Variants in HPGDS observed in about 807,000 individuals in gnomAD.
HPGDS encodes the protein hematopoietic prostaglandin D synthase.
HPGDS carries 26 observed loss-of-function variants against 23.1 expected under a neutral mutation model. The observed-to-expected ratio is 1.13, with a 90% CI of 0.83 to 1.56. The LOEUF (loss-of-function observed/expected upper bound fraction) is 1.56, where lower values mean the gene tolerates loss of function less well. HPGDS is among the 40% of genes most tolerant of loss of function. The pLI is 0.00. For synonymous variants in HPGDS, 95 were observed against 77.9 expected (o/e 1.22, Z -1.16); for missense variants, 268 against 236.4 (o/e 1.13, Z -0.88).
At chr4:94,328,822 G>C (rs538133569) in intron 2 of HPGDS, among the ~76,000 whole-genome samples, 1 of 152,254 alleles carries the variant, frequency 6.6e-6, no homozygotes, top group African/African-American at 2.4e-5. Context: ...TTTTAAAAGA[G>C]AGAAAATAAT....
chr4:94,330,408 G>A lies in HPGDS; in HGVS notation c.133+4089C>T, dbSNP rs115046479. ...ACCTTTATCTTCACTCAGCACATTT[G>A]TATTGAACTAACCACTCAGAAATAG... On this transcript the variant is annotated intron_variant, in intron 2 of 5. Transcript: ENST00000295256. Among the ~76,000 whole-genome samples, 1,292 of 152,270 alleles carry A rather than the reference G, an allele frequency of 8.5e-3. 8 individuals carry two copies. The highest frequency in any genetic ancestry group is 0.054 in the Middle Eastern group (16 of 294).
intron 3 of HPGDS, among the ~76,000 whole-genome samples, chr4:94,317,512 A>G (rs570843990): frequency 7.9e-5 from 12 of 152,302 alleles, no homozygotes; most frequent in Middle Eastern, 3.4e-3. Flanking sequence ...TTCAACCTCC[A>G]TATGCCATAT....
At chr4:94,307,307 TAA>T (rs762523386) in intron 4 of HPGDS, among the ~76,000 whole-genome samples, 146 of 110,580 alleles carry the variant, frequency 1.3e-3, no homozygotes, top group African/African-American at 4.0e-3. Flanking sequence ...CAGGAAAACA[TAA>T]AAAAAAAAAA....
At chr4:94,338,990 G>A (rs761172161) in intron 1 of HPGDS, among the ~76,000 whole-genome samples, 4 of 152,170 alleles carry the variant, frequency 2.6e-5, no homozygotes, top group Non-Finnish European at 5.9e-5. Flanking sequence ...CTTGTAATGC[G>A]GTATTTGCTC....
chr4:94,314,369 C>T (rs1756348478), intron 3 of HPGDS, among the ~76,000 whole-genome samples: 1 of 152,220 alleles, frequency 6.6e-6, no homozygotes, highest in Non-Finnish European at 1.5e-5. Flanking sequence ...TCAGGACCCT[C>T]AGCTGCAGGT....
At chr4:94,300,009 A>G (rs904306203) in intron 5 of HPGDS, among the ~76,000 whole-genome samples, 6 of 152,210 alleles carry the variant, frequency 3.9e-5, no homozygotes, top group African/African-American at 1.4e-4. Flanking sequence ...ATTGCCCTTT[A>G]CAGGACAAAG....
rs1214963229 is a variant in HPGDS, at chr4:94,299,444, C to CT, written c.*35_*36insA. The CT allele has an allele frequency of 1.7e-5, 26 of 1,566,744 alleles. No individual in the cohort carries two copies. Among genetic ancestry groups the CT allele is most frequent in the Non-Finnish European group, 2.2e-5 (25 of 1,152,778 alleles). On this transcript the variant is annotated 3_prime_UTR_variant, in exon 6 of 6. Transcript: ENST00000295256. The stretch of plus-strand genomic sequence containing the variant: ...TGTCTTATCTGATGAGAGAGATGCC[C>CT]CCGAGAAAAACAAACTTGAAGGCAA...
Position 94,338,364 on chromosome 4 carries a change from G to T in HPGDS, c.-9-3726C>A, listed in dbSNP as rs547847221. Among the ~76,000 whole-genome samples, 12 of 151,368 alleles carry T rather than the reference G, an allele frequency of 7.9e-5. No individual in the cohort carries two copies. In the South Asian group the frequency reaches 2.5e-3, roughly 31 times the overall value. On this transcript the variant is annotated intron_variant, in intron 1 of 5. Transcript: ENST00000295256. ...TGCTTGAACCTGGGAGGCAGAGGTT[G>T]CAGTGAGCCAAGACCGCGACACTTC...
chr4:94,319,062 CG>C (rs748893071), intron 2 of HPGDS, among the ~76,000 whole-genome samples: 34 of 152,212 alleles, frequency 2.2e-4, no homozygotes, highest in Non-Finnish European at 4.3e-4. Context: ...TGGTCTCTAG[CG>C]CAGATTCAGC....
intron 5 of HPGDS, among the ~76,000 whole-genome samples, chr4:94,301,698 C>A (rs1756043398): frequency 6.6e-6 from 1 of 151,848 alleles, no homozygotes; most frequent in African/African-American, 2.4e-5. Context: ...AAAAAAAATA[C>A]CAATAGTTTG....
At chr4:94,326,504 G>T (rs1263932175) in intron 2 of HPGDS, among the ~76,000 whole-genome samples, 1 of 152,044 alleles carries the variant, frequency 6.6e-6, no homozygotes, top group Admixed American at 6.6e-5. Flanking sequence ...TGAAGCTCTA[G>T]TTGTATTTTT....
At chr4:94,321,400 G>C (rs1357695393) in intron 2 of HPGDS, among the ~76,000 whole-genome samples, 3 of 152,256 alleles carry the variant, frequency 2.0e-5, no homozygotes, top group Admixed American at 2.0e-4. Flanking sequence ...CATGAGCATG[G>C]AATGTTCTTC....
rs1578149625 is a variant in HPGDS, at chr4:94,342,813, G to T, written c.-28C>A. On this transcript the variant is annotated 5_prime_UTR_variant, in exon 1 of 6. Coordinates refer to ENST00000295256, the MANE Select transcript of HPGDS (RefSeq NM_014485.3). ...GACTTACCTGTGTTATGTCTCTCGGGAGTCTGCAGTGTCTTGTATCCCTGG... is the reference window on the plus strand; with the variant it reads ...GACTTACCTGTGTTATGTCTCTCGGTAGTCTGCAGTGTCTTGTATCCCTGG... The T allele has an allele frequency of 6.6e-6, 1 of 152,206 alleles. No individual in the cohort carries two copies. The highest frequency in any genetic ancestry group is 1.9e-4 in the East Asian group (1 of 5,180). The allele number at this position is 152,206 out of a possible 1,614,324, so 9.4% of individuals were successfully genotyped here.
At chr4:94,301,188 T>A (rs757894854) in intron 5 of HPGDS, among the ~76,000 whole-genome samples, 5 of 152,060 alleles carry the variant, frequency 3.3e-5, no homozygotes, top group Non-Finnish European at 7.4e-5. Flanking sequence ...GACAGCAGAG[T>A]GTCAGCATGC....
At chr4:94,336,958 TCG>T (rs1721033313) in intron 1 of HPGDS, among the ~76,000 whole-genome samples, 1 of 151,924 alleles carries the variant, frequency 6.6e-6, no homozygotes, top group Non-Finnish European at 1.5e-5. Context: ...TCGTTTTGTT[TCG>T]TTTTGTTTCG....
rs1560589387 is a variant in HPGDS at position 94,317,908 on chromosome 4, C to T, written c.191G>A (p.Ser64Asn). ...GGTCAAATATCTTGCTATTGCTAGG[C>T]TCTGGTGAAGAGTAAGTCCATCAAC... ...LEVDGLTLHQSLAIARYLTKN... is the reference protein window; with the variant it reads ...LEVDGLTLHQNLAIARYLTKN... Residue 64 changes from serine (S) to asparagine (N), a missense_variant, in exon 3 of 6, where the codon AGC becomes AAC. Coordinates refer to ENST00000295256, the MANE Select transcript of HPGDS (RefSeq NM_014485.3). The T allele has an allele frequency of 8.7e-6, 14 of 1,612,114 alleles. No individual in the cohort carries two copies. Among genetic ancestry groups the T allele is most frequent in the Non-Finnish European group, 1.2e-5 (14 of 1,179,096 alleles).
chr4:94,304,083 C>T, intron 4 of HPGDS, among the ~76,000 whole-genome samples: 1 of 151,960 alleles, frequency 6.6e-6, no homozygotes. Flanking sequence ...TAGATAGCCA[C>T]TCCTTTACTT....
chr4:94,320,956 G>C (rs1756495953), intron 2 of HPGDS, among the ~76,000 whole-genome samples: 1 of 152,178 alleles, frequency 6.6e-6, no homozygotes, highest in African/African-American at 2.4e-5. Context: ...GTAAGGAAGG[G>C]ATCCAGTTTC....
chr4:94,303,467 T>C (rs1331573922), intron 4 of HPGDS, among the ~76,000 whole-genome samples: 1 of 152,186 alleles, frequency 6.6e-6, no homozygotes, highest in Non-Finnish European at 1.5e-5. Context: ...ATACTCAACA[T>C]GTACTTACAT....
Sources: allele counts gnomAD v4.1 joint callset (sites outside exome capture counted in the v4.1 genomes callset), GRCh38; gene constraint gnomAD v4.1.1; transcripts MANE v1.5; gene names NCBI Gene and HGNC (gene_info 2026-07-23, HGNC 2026-07-21).